MAST4: variants seen among roughly 807,000 people sequenced by gnomAD.
The protein encoded by MAST4 is microtubule associated serine/threonine kinase family member 4.
Under a neutral mutation model 162.7 loss-of-function variants are expected in MAST4, and 89 were observed. That is an observed-to-expected ratio of 0.55 (90% CI 0.46 to 0.65). The LOEUF is 0.65. MAST4 is among the 30% of genes least tolerant of loss of function. MAST4 has a pLI of 0.00. For synonymous variants in MAST4, 1,479 were observed against 1,361.1 expected, an observed-to-expected ratio of 1.09 and a Z score of -1.91; for missense variants, 3,153 against 3,374.0, an observed-to-expected ratio of 0.93 and a Z score of 1.62.
At chr5:66,855,656 C>T (rs187773904) in intron 3 of MAST4, among the ~76,000 whole-genome samples, 278 of 152,216 alleles carry the variant, frequency 1.8e-3, no homozygotes, top group African/African-American at 5.9e-3. Context: ...TGACTGACAC[C>T]TCCTGAGACA....
chr5:66,966,585 G>A (rs897543375), intron 4 of MAST4, among the ~76,000 whole-genome samples: 2 of 152,178 alleles, frequency 1.3e-5, no homozygotes, highest in African/African-American at 4.8e-5. Flanking sequence ...GGTGGAAAGG[G>A]AAAGAGCATG....
chr5:66,628,340 C>CTTT (rs34307265), intron 1 of MAST4, among the ~76,000 whole-genome samples: 14 of 136,204 alleles, frequency 1.0e-4, no homozygotes, highest in African/African-American at 3.5e-4. Context: ...GACTTTTTTT[C>CTTT]TTTTTTTTTT....
chr5:66,983,681 A>T (rs1014569537), intron 4 of MAST4, among the ~76,000 whole-genome samples: 5 of 152,142 alleles, frequency 3.3e-5, no homozygotes, highest in Admixed American at 3.3e-4. Context: ...GAGGGATTAG[A>T]GGTATTTGCT....
chr5:66,921,571 A>G (rs982559786), intron 4 of MAST4, among the ~76,000 whole-genome samples: 24 of 152,270 alleles, frequency 1.6e-4, no homozygotes, highest in African/African-American at 4.8e-4. Flanking sequence ...AGCCTGGCCA[A>G]CATGGTGAAA....
At chr5:66,650,299 G>T (rs190149609) in intron 1 of MAST4, among the ~76,000 whole-genome samples, 166 of 152,162 alleles carry the variant, frequency 1.1e-3, no homozygotes, top group Middle Eastern at 3.4e-3. Flanking sequence ...TGAAAGAGCA[G>T]AGACTACTAG....
At chr5:66,937,979 C>T (rs1037509892) in intron 4 of MAST4, among the ~76,000 whole-genome samples, 1 of 151,834 alleles carries the variant, frequency 6.6e-6, no homozygotes, top group African/African-American at 2.4e-5. Flanking sequence ...TTGTCATTGG[C>T]AGCAAAACTG....
chr5:67,046,176 G>A (rs1038303801), intron 4 of MAST4, among the ~76,000 whole-genome samples: 1 of 151,978 alleles, frequency 6.6e-6, no homozygotes, highest in Non-Finnish European at 1.5e-5. Context: ...GTGTAAGCGC[G>A]CTCTGTGATG....
intron 3 of MAST4, among the ~76,000 whole-genome samples, chr5:66,846,381 G>T (rs747957333): frequency 1.3e-4 from 20 of 152,178 alleles, no homozygotes; most frequent in Non-Finnish European, 2.2e-4. Flanking sequence ...TTCTCCAATA[G>T]CCTTGAGGAG....
intron 4 of MAST4, among the ~76,000 whole-genome samples, chr5:67,041,710 C>A (rs1756764168): frequency 6.6e-6 from 1 of 152,228 alleles, no homozygotes; most frequent in African/African-American, 2.4e-5. Context: ...CTCACTGCAA[C>A]CTCCGCCTCC....
At chr5:66,965,058 A>G (rs1176131936) in intron 4 of MAST4, among the ~76,000 whole-genome samples, 2 of 152,162 alleles carry the variant, frequency 1.3e-5, no homozygotes, top group East Asian at 3.9e-4. Context: ...CGACTAGGGA[A>G]ACAAATTAAT....
intron 4 of MAST4, among the ~76,000 whole-genome samples, chr5:67,039,988 T>C (rs1489029219): frequency 6.6e-6 from 1 of 150,636 alleles, no homozygotes; most frequent in Admixed American, 6.6e-5. Flanking sequence ...TATGTGTGTG[T>C]ATATATATAT....
At chr5:66,978,933 G>C (rs926312049) in intron 4 of MAST4, among the ~76,000 whole-genome samples, 3 of 152,138 alleles carry the variant, frequency 2.0e-5, no homozygotes, top group African/African-American at 7.2e-5. Flanking sequence ...GGTCTGAATA[G>C]AGTAGAAGGA....
intron 3 of MAST4, among the ~76,000 whole-genome samples, chr5:66,806,712 A>G (rs1756205867): frequency 6.6e-6 from 1 of 152,246 alleles, no homozygotes; most frequent in South Asian, 2.1e-4. Context: ...CATGCATAAT[A>G]TACAACCATT....
At chr5:67,012,775 G>T (rs76661363) in intron 4 of MAST4, among the ~76,000 whole-genome samples, 2,143 of 152,286 alleles carry the variant, frequency 0.014, 55 homozygotes, top group African/African-American at 0.049. Context: ...GAACTTGGTT[G>T]TAAATTCTGA....
intron 3 of MAST4, among the ~76,000 whole-genome samples, chr5:66,802,060 C>A (rs1755948521): frequency 6.6e-6 from 1 of 152,064 alleles, no homozygotes; most frequent in Non-Finnish European, 1.5e-5. Flanking sequence ...TAGTTTTGGG[C>A]TTTTCATTTA....
intron 1 of MAST4, among the ~76,000 whole-genome samples, chr5:66,725,485 C>T (rs1751460466): frequency 6.6e-6 from 1 of 152,072 alleles, no homozygotes; most frequent in Non-Finnish European, 1.5e-5. Context: ...AATATGAATG[C>T]TCAAAATGTG....
chr5:66,611,057 A>C (rs1743258288), intron 1 of MAST4, among the ~76,000 whole-genome samples: 1 of 152,248 alleles, frequency 6.6e-6, no homozygotes, highest in South Asian at 2.1e-4. Flanking sequence ...AAGTGCTATT[A>C]CTAGAAATAG....
rs371390681 is a variant in MAST4 at position 66,940,288 on chromosome 5, C to T, written c.674+40306C>T. Among the ~76,000 whole-genome samples, 233 of 152,178 alleles carry T rather than the reference C, an allele frequency of 1.5e-3. 1 individual carries two copies. Among genetic ancestry groups the T allele is most frequent in the African/African-American group, 5.1e-3 (211 of 41,526 alleles). On this transcript the variant is annotated intron_variant, in intron 4 of 28. Transcript: ENST00000403625. The stretch of plus-strand genomic sequence containing the variant: ...AAGGTTGCGGTGACTGTGCCAATTT[C>T]TTGAAATAATTCAACAATGAGGTTG...
At chr5:66,727,390 A>G (rs1156553747) in intron 1 of MAST4, among the ~76,000 whole-genome samples, 2 of 152,200 alleles carry the variant, frequency 1.3e-5, no homozygotes, top group Admixed American at 1.3e-4. Flanking sequence ...GTCAAGACCC[A>G]CGGTCTGAAA....
Sources: gnomAD v4.1 joint callset for allele counts (sites outside exome capture counted in the v4.1 genomes callset) on GRCh38, gnomAD v4.1.1 for gene constraint, MANE v1.5 for transcripts, NCBI Gene and HGNC (gene_info 2026-07-23, HGNC 2026-07-21) for gene names.